Variants in SLC18B1 observed in about 807,000 individuals in gnomAD.
The protein encoded by SLC18B1 is solute carrier family 18 member B1, also known as MFS-type transporter SLC18B1.
In SLC18B1, 62 loss-of-function variants were observed where a neutral mutation model predicts 53.9. That is an observed-to-expected ratio of 1.15 (90% CI 0.94 to 1.42). The LOEUF (loss-of-function observed/expected upper bound fraction) is 1.42, where lower values mean the gene tolerates loss of function less well. Ranked by LOEUF, SLC18B1 falls within the 40% of genes most tolerant of loss-of-function variation. The pLI is 0.00. For synonymous variants in SLC18B1, 217 were observed against 200.9 expected, an observed-to-expected ratio of 1.08 and a Z score of -0.68; for missense variants, 598 against 547.3, an observed-to-expected ratio of 1.09 and a Z score of -0.93.
chr6:132,777,438 G>A (rs1015658173), intron 7 of SLC18B1, among the ~76,000 whole-genome samples: 1 of 152,210 alleles, frequency 6.6e-6, no homozygotes, highest in African/African-American at 2.4e-5. Context: ...AACGGGCCAG[G>A]TGCGGTGGCT....
intron 2 of SLC18B1, among the ~76,000 whole-genome samples, chr6:132,796,446 A>C (rs1475669932): frequency 6.7e-6 from 1 of 149,772 alleles, no homozygotes; most frequent in Admixed American, 6.7e-5. Flanking sequence ...GAATCAATTG[A>C]ACCCGGGAGG....
chr6:132,782,834 G>A (rs1176179593), intron 6 of SLC18B1, among the ~76,000 whole-genome samples: 1 of 151,552 alleles, frequency 6.6e-6, no homozygotes, highest in Non-Finnish European at 1.5e-5. Context: ...GAGCGCAGTG[G>A]CATGATCTTG....
intron 2 of SLC18B1, among the ~76,000 whole-genome samples, chr6:132,791,896 A>C (rs1328345400): frequency 6.6e-6 from 1 of 152,102 alleles, no homozygotes; most frequent in Non-Finnish European, 1.5e-5. Context: ...AGGTTCCTCA[A>C]AAAGAAAGTA....
At chr6:132,784,136 G>A (rs1281781236) in intron 5 of SLC18B1, 47 bp from the exon 6 acceptor site, 2 of 1,463,740 alleles carry the variant, frequency 1.4e-6, no homozygotes, top group East Asian at 4.9e-5. Context: ...TTCATTTGAA[G>A]AATTAACATG....
rs1369711662 is a variant in SLC18B1 at position 132,787,631 on chromosome 6, T to G, written c.354-50A>C. The G allele has an allele frequency of 5.5e-6, 8 of 1,463,364 alleles. No individual in the cohort carries two copies. The African/African-American group carries it at 5.8e-5, about 11-fold the overall frequency. The allele number at this position is 1,463,364 out of a possible 1,614,324, so 90.6% of individuals were successfully genotyped here. ...AAATGCCAAGCTGGTTTTCTTTTTT[T>G]TTTTTTCCTTTTTAACTGTACTCAC... On this transcript the variant is annotated intron_variant, in intron 4 of 13. Coordinates refer to ENST00000275227, the MANE Select transcript of SLC18B1 (RefSeq NM_052831.3).
intron 2 of SLC18B1, among the ~76,000 whole-genome samples, chr6:132,796,631 C>A (rs75399890): frequency 3.8e-4 from 57 of 149,832 alleles, no homozygotes; most frequent in African/African-American, 1.0e-3. Context: ...ACTGTCTTAA[C>A]ACAGACCTAT....
chr6:132,770,266 C>T lies in SLC18B1; in HGVS notation c.*4G>A, dbSNP rs759534156. Reference sequence around the variant, plus strand: ...AACCTTGTATCAATCCAGGATCCATCGGACTAGGTTTCATTAGGCAAGAGA... The same window carrying T: ...AACCTTGTATCAATCCAGGATCCATTGGACTAGGTTTCATTAGGCAAGAGA... On this transcript the variant is annotated 3_prime_UTR_variant, in exon 14 of 14. Coordinates refer to ENST00000275227, the MANE Select transcript of SLC18B1 (RefSeq NM_052831.3). 4.3e-6 allele frequency: 7 copies of T among 1,610,230 alleles called. No individual in the cohort carries two copies. Among genetic ancestry groups the T allele is most frequent in the African/African-American group, 1.3e-5 (1 of 74,854 alleles).
chr6:132,772,944 C>T, intron 10 of SLC18B1, 49 bp downstream of exon 10: 1 of 1,346,332 alleles, frequency 7.4e-7, no homozygotes, highest in Non-Finnish European at 1.1e-6. Context: ...GCCTGTGATA[C>T]TTACTACTTA....
intron 5 of SLC18B1, among the ~76,000 whole-genome samples, chr6:132,784,645 AGGCAATTT>A (rs112342233): frequency 0.028 from 4,196 of 152,206 alleles, 198 homozygotes; most frequent in African/African-American, 0.093. Flanking sequence ...GAACACCGGT[AGGCAATTT>A]GGCAATTTGG....
At chr6:132,776,912 C>A (rs1474672695) in intron 7 of SLC18B1, among the ~76,000 whole-genome samples, 2 of 152,088 alleles carry the variant, frequency 1.3e-5, no homozygotes, top group Non-Finnish European at 1.5e-5. Context: ...CACCAATAGC[C>A]CTGAGAGAGT....
Position 132,787,366 on chromosome 6 carries a change from T to C in SLC18B1, c.501+68A>G, listed in dbSNP as rs1056766768. 7.7e-6 allele frequency: 11 copies of C among 1,424,488 alleles called. No individual in the cohort carries two copies. In the African/African-American group the frequency reaches 1.6e-4, roughly 21 times the overall value. 88.2% of individuals were successfully genotyped at this position (1,424,488 alleles called of 1,614,324 possible). On this transcript the variant is annotated intron_variant, in intron 5 of 13. Transcript: ENST00000275227. ...AGTATAGAAGAATGGACCCCAGCTTTAACTTGGAAGGGCAAATATTTTGGC... is the reference window on the plus strand; with the variant it reads ...AGTATAGAAGAATGGACCCCAGCTTCAACTTGGAAGGGCAAATATTTTGGC...
At chr6:132,777,479 C>T (rs959541978) in intron 7 of SLC18B1, among the ~76,000 whole-genome samples, 4 of 152,128 alleles carry the variant, frequency 2.6e-5, no homozygotes, top group African/African-American at 7.2e-5. Context: ...TTTGGGAGGC[C>T]GAGGTGGGCA....
rs1781754901 is a variant in SLC18B1 at position 132,798,412 on chromosome 6, A to C, written c.43+2T>G. 2.0e-6 allele frequency: 3 copies of C among 1,527,668 alleles called. No individual in the cohort carries two copies. Among genetic ancestry groups the C allele is most frequent in the Non-Finnish European group, 1.8e-6 (2 of 1,135,222 alleles). The allele number at this position is 1,527,668 out of a possible 1,614,324, so 94.6% of individuals were successfully genotyped here. ...GCTCCCGGCCACGCAATTCATGGTC[A>C]CCTCCTGGTGCGCGTGGTCCCTCCA... On this transcript the variant is annotated splice_donor_variant, in intron 1 of 13. Coordinates refer to ENST00000275227, the MANE Select transcript of SLC18B1 (RefSeq NM_052831.3). LOFTEE classifies it high-confidence loss of function.
At chr6:132,770,539 C>A (rs1017116593) in intron 13 of SLC18B1, among the ~76,000 whole-genome samples, 1 of 152,080 alleles carries the variant, frequency 6.6e-6, no homozygotes, top group Non-Finnish European at 1.5e-5. Context: ...AGTTCGAGAC[C>A]AGCCTGGCCA....
At chr6:132,779,093 A>T (rs1781165524) in intron 7 of SLC18B1, among the ~76,000 whole-genome samples, 175 bp downstream of exon 7, 1 of 152,194 alleles carries the variant, frequency 6.6e-6, no homozygotes, top group African/African-American at 2.4e-5. Context: ...TTTTTACTGA[A>T]TCAGGTTCCT....
At chr6:132,783,418 C>T (rs542121833) in intron 6 of SLC18B1, among the ~76,000 whole-genome samples, 94 of 152,290 alleles carry the variant, frequency 6.2e-4, no homozygotes, top group Admixed American at 2.2e-3. Context: ...TCAAGTGATC[C>T]GCCAGCCTCA....
intron 2 of SLC18B1, among the ~76,000 whole-genome samples, chr6:132,793,247 C>T (rs928896442): frequency 3.3e-5 from 5 of 152,144 alleles, no homozygotes; most frequent in African/African-American, 1.2e-4. Flanking sequence ...TTTTCCTTTG[C>T]CCAGTTAGCT....
chr6:132,787,669 T>G, intron 4 of SLC18B1, 88 bp from the exon 5 acceptor site: 2 of 1,155,116 alleles, frequency 1.7e-6, no homozygotes, highest in Non-Finnish European at 2.3e-6. Context: ...AAAAGAATAG[T>G]ACCTCACTCA....
intron 2 of SLC18B1, among the ~76,000 whole-genome samples, chr6:132,795,994 C>T (rs138699166): frequency 6.6e-6 from 1 of 151,994 alleles, no homozygotes; most frequent in East Asian, 1.9e-4. Flanking sequence ...AAGCAGATCA[C>T]CTGAGGTCAG....
Sources: allele counts gnomAD v4.1 joint callset (sites outside exome capture counted in the v4.1 genomes callset), GRCh38; gene constraint gnomAD v4.1.1; transcripts MANE v1.5; gene names NCBI Gene and HGNC (gene_info 2026-07-23, HGNC 2026-07-21).